RUNX1: variants seen among roughly 807,000 people sequenced by gnomAD.
The protein encoded by RUNX1 is RUNX family transcription factor 1, also known as runt-related transcription factor 1.
In RUNX1, 19 loss-of-function variants were observed where a neutral mutation model predicts 42.8. The ratio of observed to expected loss-of-function variants is 0.44; its 90% confidence interval spans 0.31 to 0.65. The LOEUF (loss-of-function observed/expected upper bound fraction) is 0.65, where lower values mean the gene tolerates loss of function less well. Ranked by LOEUF, RUNX1 falls within the 30% of genes least tolerant of loss-of-function variation. The pLI, the probability that RUNX1 is intolerant of heterozygous loss-of-function variation, is 0.07. For synonymous variants in RUNX1, 271 were observed against 289.4 expected (o/e 0.94, Z 0.64); for missense variants, 528 against 672.0 (o/e 0.79, Z 2.37).
At chr21:34,997,391 T>A (rs1239801484) in intron 2 of RUNX1, among the ~76,000 whole-genome samples, 2 of 152,202 alleles carry the variant, frequency 1.3e-5, no homozygotes, top group African/African-American at 2.4e-5. Flanking sequence ...GTAATGCCTA[T>A]GAGTGTGTCT....
At chr21:34,882,793 G>A (rs191806720) in intron 4 of RUNX1, among the ~76,000 whole-genome samples, 2 of 148,204 alleles carry the variant, frequency 1.3e-5, no homozygotes, top group Admixed American at 1.4e-4. Flanking sequence ...TTCACTTCCC[G>A]TTGTAAAGTT....
chr21:34,993,146 C>G (rs1273710902), intron 2 of RUNX1, among the ~76,000 whole-genome samples: 1 of 152,234 alleles, frequency 6.6e-6, no homozygotes, highest in South Asian at 2.1e-4. Context: ...AGGGTGACTG[C>G]TTTGAGGAAG....
At chr21:34,797,009 T>A (rs1232904120) in intron 8 of RUNX1, among the ~76,000 whole-genome samples, 1 of 152,184 alleles carries the variant, frequency 6.6e-6, no homozygotes, top group African/African-American at 2.4e-5. Context: ...CAGAGCAGTG[T>A]CAGGTTCTCA....
rs896439123 is a variant in RUNX1 at position 34,973,001 on chromosome 21, C to G, written c.58+75841G>C. Among the ~76,000 whole-genome samples the G allele has an allele frequency of 2.0e-5, 3 of 152,150 alleles. No individual in the cohort carries two copies. The South Asian group carries it at 6.2e-4, about 31-fold the overall frequency. The stretch of plus-strand genomic sequence containing the variant: ...TTCTAGACTGACATTTCTGGAGAAC[C>G]TTGAGAGCTCTTGTTGTGTACTTCA... On this transcript the variant is annotated intron_variant, in intron 2 of 8. Transcript: ENST00000675419.
intron 2 of RUNX1, among the ~76,000 whole-genome samples, chr21:34,905,255 C>T (rs188389538): frequency 1.6e-3 from 241 of 152,348 alleles, no homozygotes; most frequent in African/African-American, 5.6e-3. Context: ...TTCCCCCTCA[C>T]TAATCTCGCT....
rs578026384 is a variant in RUNX1 at position 34,792,979 on chromosome 21, C to G, written c.968-369G>C. On this transcript the variant is annotated intron_variant, in intron 8 of 8. Coordinates refer to ENST00000675419, the MANE Select transcript of RUNX1 (RefSeq NM_001754.5). This position sits in a 1 kb window ranked among gnomAD's most constrained non-coding sequence, Gnocchi z 6.9. ...CGGAGACCACCCAGGATGACACCAC[C>G]TGGGAGGATGGAGACCACCCAGGAT... is the stretch of plus-strand genomic sequence containing the variant. Among the ~76,000 whole-genome samples the G allele has an allele frequency of 6.7e-6, 1 of 149,482 alleles. No individual in the cohort carries two copies. The highest frequency in any genetic ancestry group is 2.0e-4 in the East Asian group (1 of 5,016).
chr21:34,986,817 G>A (rs1028308021), intron 2 of RUNX1, among the ~76,000 whole-genome samples: 4 of 152,070 alleles, frequency 2.6e-5, no homozygotes, highest in African/African-American at 9.7e-5. Flanking sequence ...AGCCTCTAGG[G>A]CTGTAAGAGA....
intron 7 of RUNX1, among the ~76,000 whole-genome samples, chr21:34,802,608 T>TA (rs1408686755): frequency 3.3e-5 from 5 of 152,238 alleles, no homozygotes; most frequent in African/African-American, 1.2e-4. Flanking sequence ...TTCTGGAAGT[T>TA]ACAGCTACTA....
chr21:35,001,150 A>AT lies in RUNX1; in HGVS notation c.58+47691dup, dbSNP rs990120849. 1.9e-4 allele frequency among the ~76,000 whole-genome samples: 29 copies of AT among 151,652 alleles called. 2 individuals carry two copies. The highest frequency in any genetic ancestry group is 1.5e-3 in the South Asian group (7 of 4,788). On this transcript the variant is annotated intron_variant, in intron 2 of 8. Coordinates refer to ENST00000675419, the MANE Select transcript of RUNX1 (RefSeq NM_001754.5). ...AGTCACTCTCTTTACCGTCTCTATA[A>AT]TTTTTTTTACTTCCATTTGCAATAG...
chr21:34,868,761 C>T (rs1021776229), intron 5 of RUNX1, among the ~76,000 whole-genome samples: 1 of 152,220 alleles, frequency 6.6e-6, no homozygotes, highest in Non-Finnish European at 1.5e-5. Flanking sequence ...CCTTACTAGC[C>T]CCCAAGGCTG....
chr21:34,856,689 C>G (rs2057499369), intron 6 of RUNX1, among the ~76,000 whole-genome samples: 1 of 152,190 alleles, frequency 6.6e-6, no homozygotes, highest in African/African-American at 2.4e-5. Context: ...CCCCTCCTAG[C>G]TCTCATTGTC....
chr21:35,014,352 G>A (rs772259276), intron 2 of RUNX1, among the ~76,000 whole-genome samples: 6 of 152,184 alleles, frequency 3.9e-5, no homozygotes, highest in Non-Finnish European at 5.9e-5. Flanking sequence ...CTGCCTAGGT[G>A]TATAGTTGTT....
chr21:34,853,838 G>A (rs559720332), intron 6 of RUNX1, among the ~76,000 whole-genome samples: 36 of 135,878 alleles, frequency 2.6e-4, no homozygotes, highest in African/African-American at 8.6e-4. Context: ...TTTGAGACAA[G>A]GTCTCACTCT....
intron 2 of RUNX1, among the ~76,000 whole-genome samples, chr21:34,970,196 C>T (rs2058753160): frequency 6.6e-6 from 1 of 152,220 alleles, no homozygotes; most frequent in African/African-American, 2.4e-5. Flanking sequence ...CTTTTCACTT[C>T]CCAGAATCAT....
At chr21:35,010,721 C>T (rs2059120627) in intron 2 of RUNX1, among the ~76,000 whole-genome samples, 1 of 152,122 alleles carries the variant, frequency 6.6e-6, no homozygotes, top group African/African-American at 2.4e-5. Context: ...GTGCAACTCG[C>T]TGCCAGCACT....
At chr21:35,009,687 C>T (rs1052778191) in intron 2 of RUNX1, among the ~76,000 whole-genome samples, 1 of 152,162 alleles carries the variant, frequency 6.6e-6, no homozygotes, top group African/African-American at 2.4e-5. Flanking sequence ...TGGCCCTGCT[C>T]ATTCCTCTTG....
At chr21:34,912,444 T>C (rs916152736) in intron 2 of RUNX1, among the ~76,000 whole-genome samples, 1 of 152,026 alleles carries the variant, frequency 6.6e-6, no homozygotes, top group African/African-American at 2.4e-5. Context: ...GTTTCTGGCA[T>C]AGTGGCAACC....
intron 2 of RUNX1, among the ~76,000 whole-genome samples, chr21:34,977,924 C>T (rs2834710): frequency 0.43 from 64,417 of 150,896 alleles, 14,375 homozygotes; most frequent in East Asian, 0.57. Context: ...GAGTAAACAG[C>T]ATTTTTTTTT....
chr21:35,035,331 C>T (rs533993007), intron 2 of RUNX1, among the ~76,000 whole-genome samples: 1 of 152,206 alleles, frequency 6.6e-6, no homozygotes, highest in African/African-American at 2.4e-5. Context: ...GGCATTTGAA[C>T]ACAGGCTCTC....
Sources: allele counts gnomAD v4.1 joint callset (sites outside exome capture counted in the v4.1 genomes callset), GRCh38; gene constraint gnomAD v4.1.1; non-coding constraint Gnocchi (gnomAD v3.1); transcripts MANE v1.5; gene names NCBI Gene and HGNC (gene_info 2026-07-23, HGNC 2026-07-21).